RAPGEF6: variants seen among roughly 807,000 people sequenced by gnomAD.
RAPGEF6 encodes PDZ domain containing guanine nucleotide exchange factor (GEF) 2.
In RAPGEF6, 56 loss-of-function variants were observed where a neutral mutation model predicts 171.4. The observed-to-expected ratio is 0.33, with a 90% CI of 0.26 to 0.41. The LOEUF (loss-of-function observed/expected upper bound fraction) is 0.41, where lower values mean the gene tolerates loss of function less well. RAPGEF6 is among the 10% of genes least tolerant of loss of function. The pLI, the probability that RAPGEF6 is intolerant of heterozygous loss-of-function variation, is 1.00. For missense variants in RAPGEF6, 1,674 were observed against 1,921.4 expected (o/e 0.87, Z 2.41); for synonymous variants, 692 against 650.1 (o/e 1.06, Z -0.98).
chr5:131,621,562 G>T (rs916091501), intron 1 of RAPGEF6, among the ~76,000 whole-genome samples: 1 of 152,026 alleles, frequency 6.6e-6, no homozygotes, highest in Non-Finnish European at 1.5e-5. Context: ...AATGTTTTGG[G>T]ATTACAGGCA....
At chr5:131,437,343 G>A (rs1019182973) in intron 24 of RAPGEF6, among the ~76,000 whole-genome samples, 2 of 151,250 alleles carry the variant, frequency 1.3e-5, no homozygotes, top group Non-Finnish European at 3.0e-5. Flanking sequence ...GAGCAATGGA[G>A]GAATTCCTGT....
chr5:131,465,012 T>G (rs1754231163), intron 17 of RAPGEF6, among the ~76,000 whole-genome samples: 2 of 152,238 alleles, frequency 1.3e-5, no homozygotes, highest in South Asian at 4.1e-4. Flanking sequence ...TTTCTTTGGT[T>G]ACTGGTAAGA....
intron 19 of RAPGEF6, among the ~76,000 whole-genome samples, chr5:131,460,928 T>C (rs888610781): frequency 6.6e-6 from 1 of 152,234 alleles, no homozygotes; most frequent in African/African-American, 2.4e-5. Context: ...AGTGGAATTA[T>C]GCTGCGATTT....
At position 131,547,756 on chromosome 5, in the gene RAPGEF6, G is replaced by A. The variant is rs867575205; in HGVS notation, c.495+291C>T. Among the ~76,000 whole-genome samples, 28 of 151,744 alleles carry A rather than the reference G, an allele frequency of 1.8e-4. No homozygotes were observed. The Middle Eastern group carries it at 0.01, about 55-fold the overall frequency. ...GAACTCCTGACCTTGTGATCCGCCCGCCTAGGTCTCCCAAAGTGCTGATAT... is the reference window on the plus strand; with the variant it reads ...GAACTCCTGACCTTGTGATCCGCCCACCTAGGTCTCCCAAAGTGCTGATAT... On this transcript the variant is annotated intron_variant, in intron 6 of 27. Transcript: ENST00000509018.
At chr5:131,609,080 G>A (rs1023910456) in intron 1 of RAPGEF6, among the ~76,000 whole-genome samples, 17 of 152,260 alleles carry the variant, frequency 1.1e-4, no homozygotes, top group Middle Eastern at 3.4e-3. Context: ...GAGCCACTGC[G>A]CCCAGCCTGC....
At chr5:131,534,606 G>GTTTTTTTTTTTTT (rs66792688) in intron 6 of RAPGEF6, among the ~76,000 whole-genome samples, 1 of 144,874 alleles carries the variant, frequency 6.9e-6, no homozygotes. Flanking sequence ...GCACCAATGT[G>GTTTTTTTTTTTTT]TTTTTTTTTT....
rs566809120 is a variant in RAPGEF6, at chr5:131,547,765, T to C, written c.495+282A>G. ...ACCTTGTGATCCGCCCGCCTAGGTC[T>C]CCCAAAGTGCTGATATTACAGGCAT... On this transcript the variant is annotated intron_variant, in intron 6 of 27. Coordinates refer to ENST00000509018, the MANE Select transcript of RAPGEF6 (RefSeq NM_016340.6). 3.9e-5 allele frequency among the ~76,000 whole-genome samples: 6 copies of C among 152,074 alleles called. No homozygotes were observed. The South Asian group carries it at 1.2e-3, about 32-fold the overall frequency.
chr5:131,601,066 G>A (rs565308002), intron 3 of RAPGEF6, among the ~76,000 whole-genome samples: 3 of 128,696 alleles, frequency 2.3e-5, no homozygotes, highest in Middle Eastern at 4.7e-3. Flanking sequence ...CCTGGGCAAC[G>A]CAAGAAAACT....
chr5:131,552,245 G>A (rs907119449), intron 5 of RAPGEF6, among the ~76,000 whole-genome samples: 22 of 151,626 alleles, frequency 1.5e-4, no homozygotes, highest in Non-Finnish European at 2.9e-4. Context: ...GAAGGGGACA[G>A]GAAGAAAACT....
intron 7 of RAPGEF6, among the ~76,000 whole-genome samples, chr5:131,520,601 A>G (rs992713020): frequency 2.6e-5 from 4 of 152,168 alleles, no homozygotes; most frequent in Admixed American, 6.5e-5. Context: ...AACCCTCAAT[A>G]TCATGCATCC....
intron 10 of RAPGEF6, 124 bp from the exon 11 acceptor site, chr5:131,504,902 T>A: frequency 2.1e-6 from 2 of 935,504 alleles, no homozygotes; most frequent in Non-Finnish European, 3.0e-6. Flanking sequence ...TTAATTCCTT[T>A]AATCTTTAAC....
chr5:131,436,740 T>C (rs1752035690), intron 24 of RAPGEF6, among the ~76,000 whole-genome samples: 2 of 152,144 alleles, frequency 1.3e-5, no homozygotes, highest in Non-Finnish European at 2.9e-5. Flanking sequence ...ACTATGTAGG[T>C]CTAGAATTGT....
chr5:131,467,659 A>C (rs1754453606), intron 17 of RAPGEF6, among the ~76,000 whole-genome samples: 1 of 152,262 alleles, frequency 6.6e-6, no homozygotes, highest in Non-Finnish European at 1.5e-5. Context: ...AAATGATCCA[A>C]TCATTTCAAA....
intron 25 of RAPGEF6, among the ~76,000 whole-genome samples, chr5:131,432,166 A>G (rs931827506): frequency 6.6e-6 from 1 of 152,212 alleles, no homozygotes; most frequent in Non-Finnish European, 1.5e-5. Context: ...AACCAGAAGA[A>G]TTTGTGACAG....
intron 9 of RAPGEF6, among the ~76,000 whole-genome samples, chr5:131,507,859 A>C (rs534978379): frequency 6.6e-6 from 1 of 152,342 alleles, no homozygotes; most frequent in South Asian, 2.1e-4. Context: ...CTTTGTGCAG[A>C]GTCTACTGCG....
intron 3 of RAPGEF6, among the ~76,000 whole-genome samples, chr5:131,601,298 T>C (rs1487235569): frequency 6.9e-6 from 1 of 144,998 alleles, no homozygotes; most frequent in African/African-American, 2.6e-5. Flanking sequence ...AGCAGGAGAA[T>C]CCCTTGAACC....
chr5:131,597,245 G>A (rs952966009), intron 3 of RAPGEF6, among the ~76,000 whole-genome samples: 5 of 151,924 alleles, frequency 3.3e-5, no homozygotes, highest in African/African-American at 7.3e-5. Context: ...TCAGGAGAAG[G>A]GAACACTTAT....
At chr5:131,482,066 A>C (rs1331644057) in intron 15 of RAPGEF6, among the ~76,000 whole-genome samples, 1 of 152,210 alleles carries the variant, frequency 6.6e-6, no homozygotes, top group East Asian at 1.9e-4. Flanking sequence ...TCACTTGTAA[A>C]TCTGGACTGA....
intron 6 of RAPGEF6, chr5:131,532,025 T>C (rs1759417649): frequency 1.1e-5 from 4 of 373,852 alleles, no homozygotes; most frequent in African/African-American, 2.1e-5. Flanking sequence ...AAGAGCGCAA[T>C]AAAGCTCATT....
Sources: gnomAD v4.1 joint callset for allele counts (sites outside exome capture counted in the v4.1 genomes callset) on GRCh38, gnomAD v4.1.1 for gene constraint, MANE v1.5 for transcripts, NCBI Gene and HGNC (gene_info 2026-07-23, HGNC 2026-07-21) for gene names.